The following BNC2 variants were observed in gnomAD, a reference collection of about 807,000 sequenced individuals.
The protein encoded by BNC2 is zinc finger protein basonuclin-2.
In BNC2, 20 loss-of-function variants were observed where a neutral mutation model predicts 76.3. That is an observed-to-expected ratio of 0.26 (90% CI 0.18 to 0.38). The LOEUF is 0.38. Among genes scored for constraint, BNC2 ranks in the 10% least tolerant of loss-of-function variants. The probability of loss-of-function intolerance (pLI) is 1.00; values close to 1 mark genes in which losing one functional copy is unlikely to be tolerated. For synonymous variants in BNC2, 582 were observed against 514.8 expected (o/e 1.13, Z -1.77); for missense variants, 1,382 against 1,399.8 (o/e 0.99, Z 0.20).
At chr9:16,762,137 C>T (rs936202077) in intron 1 of BNC2, among the ~76,000 whole-genome samples, 2 of 152,166 alleles carry the variant, frequency 1.3e-5, no homozygotes, top group Non-Finnish European at 2.9e-5. Context: ...AAACTCTTCA[C>T]TCTGGAAGGT....
intron 3 of BNC2, among the ~76,000 whole-genome samples, chr9:16,701,770 C>T (rs962195313): frequency 2.0e-5 from 3 of 151,426 alleles, no homozygotes; most frequent in Admixed American, 6.6e-5. Context: ...GGTGAAACCC[C>T]GTCTCTACTG....
At chr9:16,570,032 C>T (rs1819275879) in intron 4 of BNC2, among the ~76,000 whole-genome samples, 1 of 152,062 alleles carries the variant, frequency 6.6e-6, no homozygotes, top group South Asian at 2.1e-4. Context: ...TTTTATTAAA[C>T]AAAAATACGA....
At chr9:16,653,529 C>G (rs1458995899) in intron 3 of BNC2, among the ~76,000 whole-genome samples, 2 of 152,128 alleles carry the variant, frequency 1.3e-5, no homozygotes, top group Non-Finnish European at 2.9e-5. Context: ...TCCAAGAATC[C>G]TGCCTCCAAT....
Position 16,436,690 on chromosome 9 carries a change from G to T in BNC2, c.1504C>A (p.Leu502Ile). Residue 502 changes from leucine to isoleucine, a missense_variant, in exon 6 of 7, where the codon CTA becomes ATA. Around this residue, in one of 3 missense-constraint regions of BNC2, gnomAD observed 798 missense variants for 775.5 expected, o/e 1.03. Coordinates refer to ENST00000380672, the MANE Select transcript of BNC2 (RefSeq NM_017637.6). ...NPNPRLHMPM[L>I]RNNRDKDLIR... is the part of the protein sequence containing the mutation. ...AAATCTTTATCTCGGTTATTCCTTAGCATAGGCATGTGAAGGCGAGGATTG... is the reference window on the plus strand; with the variant it reads ...AAATCTTTATCTCGGTTATTCCTTATCATAGGCATGTGAAGGCGAGGATTG... 1 of 1,614,120 alleles carries T rather than the reference G, an allele frequency of 6.2e-7. No homozygotes were observed. Among genetic ancestry groups the T allele is most frequent in the Non-Finnish European group, 8.5e-7 (1 of 1,180,020 alleles).
intron 5 of BNC2, among the ~76,000 whole-genome samples, chr9:16,528,847 C>G (rs747274054): frequency 6.6e-6 from 1 of 152,148 alleles, no homozygotes; most frequent in African/African-American, 2.4e-5. Context: ...TGGAAAGAGG[C>G]CTGTATTAGT....
At chr9:16,711,465 A>C (rs192389221) in intron 3 of BNC2, among the ~76,000 whole-genome samples, 2 of 152,260 alleles carry the variant, frequency 1.3e-5, no homozygotes, top group Non-Finnish European at 2.9e-5. Context: ...ACTAGGAAAA[A>C]AAGAACAGCA....
chr9:16,560,995 T>TG (rs113520717), intron 4 of BNC2, among the ~76,000 whole-genome samples: 12,974 of 152,048 alleles, frequency 0.085, 1,223 homozygotes, highest in African/African-American at 0.22. Context: ...CCCAGCACTT[T>TG]GGGAGGCCCA....
intron 2 of BNC2, among the ~76,000 whole-genome samples, chr9:16,733,922 G>C (rs1824584719): frequency 6.6e-6 from 1 of 151,530 alleles, no homozygotes; most frequent in Non-Finnish European, 1.5e-5. Context: ...TTACACCTAA[G>C]TCCCTGCACT....
In BNC2 at chr9:16,481,801, A is replaced by C. The variant is rs181657720; in HGVS notation, c.670-44277T>G. ...GAAAAGAAAGTACAGATCTACACTG[A>C]GAATGAAATTAATGCCTATACACAA... On this transcript the variant is annotated intron_variant, in intron 5 of 6. Transcript: ENST00000380672. 2.8e-4 allele frequency among the ~76,000 whole-genome samples: 43 copies of C among 152,364 alleles called. 1 individual carries two copies. The highest frequency in any genetic ancestry group is 2.3e-3 in the Admixed American group (35 of 15,314).
Position 16,751,626 on chromosome 9 carries a change from ATATGTATG to A in BNC2, c.4-13149_4-13142del, listed in dbSNP as rs1481026638. On this transcript the variant is annotated intron_variant, in intron 1 of 6. Transcript: ENST00000380672. ...CACAAATATATATATGTGTATATAT[ATATGTATG>A]TATATATGTATGTGTGTATATATAT... Among the ~76,000 whole-genome samples, 24 of 43,802 alleles carry A rather than the reference ATATGTATG, an allele frequency of 5.5e-4. No homozygotes were observed. In the South Asian group the frequency reaches 0.011, roughly 20 times the overall value. The allele number at this position is 43,802 out of a possible 152,430, so 28.7% of individuals were successfully genotyped here.
intron 4 of BNC2, among the ~76,000 whole-genome samples, chr9:16,564,645 T>C (rs1819118000): frequency 1.3e-5 from 2 of 152,152 alleles, no homozygotes; most frequent in Non-Finnish European, 2.9e-5. Flanking sequence ...CTGTGAAAGG[T>C]AGAACTGGGA....
In BNC2 at chr9:16,658,134, T is replaced by TA. The variant is rs1821985272; in HGVS notation, c.330+69662dup. On this transcript the variant is annotated intron_variant, in intron 3 of 6. Coordinates refer to ENST00000380672, the MANE Select transcript of BNC2 (RefSeq NM_017637.6). ...GAATGGGGACATCTCTACATTGCAA[T>TA]AAAACTGTGCAGCAATTTAGAAATT... Among the ~76,000 whole-genome samples, 3 of 152,204 alleles carry TA rather than the reference T, an allele frequency of 2.0e-5. No individual in the cohort carries two copies. The South Asian group carries it at 6.2e-4, about 31-fold the overall frequency.
At chr9:16,669,808 G>A (rs1380968016) in intron 3 of BNC2, among the ~76,000 whole-genome samples, 2 of 152,118 alleles carry the variant, frequency 1.3e-5, no homozygotes, top group Non-Finnish European at 2.9e-5. Flanking sequence ...AAGAAATGAA[G>A]ATCAGCTCAT....
At chr9:16,789,434 T>G (rs1586885525) in intron 1 of BNC2, among the ~76,000 whole-genome samples, 1 of 152,178 alleles carries the variant, frequency 6.6e-6, no homozygotes, top group South Asian at 2.1e-4. Context: ...ACAAGTTCCA[T>G]GGCGTTCCTG....
chr9:16,459,917 T>A (rs889719627), intron 5 of BNC2, among the ~76,000 whole-genome samples: 4 of 152,144 alleles, frequency 2.6e-5, no homozygotes, highest in Non-Finnish European at 5.9e-5. Context: ...CTGAAACGGC[T>A]TTGAGAAAGA....
At chr9:16,544,646 C>G (rs901611062) in intron 5 of BNC2, among the ~76,000 whole-genome samples, 10 of 151,750 alleles carry the variant, frequency 6.6e-5, no homozygotes, top group Non-Finnish European at 1.2e-4. Flanking sequence ...TGGTAAAACC[C>G]CATCTCCACT....
intron 3 of BNC2, among the ~76,000 whole-genome samples, chr9:16,672,895 T>C (rs1461221796): frequency 6.6e-6 from 1 of 152,082 alleles, no homozygotes; most frequent in Non-Finnish European, 1.5e-5. Context: ...TTTGGGGACA[T>C]AAAGAAACCA....
intron 4 of BNC2, among the ~76,000 whole-genome samples, chr9:16,556,379 T>C (rs1818831927): frequency 6.6e-6 from 1 of 152,120 alleles, no homozygotes; most frequent in Non-Finnish European, 1.5e-5. Context: ...GCGGACTAGA[T>C]ATTTAATGGA....
intron 3 of BNC2, among the ~76,000 whole-genome samples, chr9:16,661,115 T>G (rs562756288): frequency 1.9e-4 from 29 of 152,302 alleles, no homozygotes; most frequent in African/African-American, 7.0e-4. Flanking sequence ...CCCAACGTCA[T>G]GTGGTAAAAT....
Sources: gnomAD v4.1 joint callset for allele counts (sites outside exome capture counted in the v4.1 genomes callset) on GRCh38, gnomAD v4.1.1 for gene constraint, gnomAD v4.1.1 regional missense constraint, MANE v1.5 for transcripts, NCBI Gene and HGNC (gene_info 2026-07-23, HGNC 2026-07-21) for gene names.